SGCZ: variants seen among roughly 807,000 people sequenced by gnomAD.
The protein encoded by SGCZ is zeta-sarcoglycan.
SGCZ carries 40 observed loss-of-function variants against 41.3 expected under a neutral mutation model. The observed-to-expected ratio is 0.97, with a 90% confidence interval of 0.75 to 1.26. The LOEUF is 1.26. SGCZ is among the 50% of genes most tolerant of loss of function. The pLI is 0.00. For missense variants in SGCZ, 552 were observed against 369.8 expected, an observed-to-expected ratio of 1.49 and a Z score of -4.04; for synonymous variants, 206 against 137.5, an observed-to-expected ratio of 1.50 and a Z score of -3.49.
intron 1 of SGCZ, among the ~76,000 whole-genome samples, chr8:14,663,401 A>G (rs981520165): frequency 9.2e-5 from 14 of 152,202 alleles, no homozygotes; most frequent in African/African-American, 3.1e-4. Context: ...TATTTCACCT[A>G]TAGATGTATG....
At chr8:14,610,661 G>C (rs1338896669) in intron 1 of SGCZ, among the ~76,000 whole-genome samples, 1 of 152,154 alleles carries the variant, frequency 6.6e-6, no homozygotes, top group African/African-American at 2.4e-5. Context: ...AGGGTGCATA[G>C]AAGTGATGAT....
At chr8:14,496,961 C>G (rs1030145276) in intron 2 of SGCZ, among the ~76,000 whole-genome samples, 2 of 152,012 alleles carry the variant, frequency 1.3e-5, no homozygotes, top group African/African-American at 4.8e-5. Flanking sequence ...TTGTTTATTT[C>G]CCTGTAGCTG....
rs1472107278 is a variant in SGCZ, at chr8:14,484,537, G to C, written c.234+70195C>G. On this transcript the variant is annotated intron_variant, in intron 2 of 7. Coordinates refer to ENST00000382080, the MANE Select transcript of SGCZ (RefSeq NM_139167.4). ...GTTTCCCGGTTTTTTTACACACATA[G>C]AACAAATGTTACAGTACAATGGGAG... Among the ~76,000 whole-genome samples the C allele has an allele frequency of 2.0e-5, 3 of 152,100 alleles. No individual in the cohort carries two copies. The South Asian group carries it at 6.2e-4, about 32-fold the overall frequency.
intron 1 of SGCZ, among the ~76,000 whole-genome samples, chr8:14,663,548 A>G (rs1463590864): frequency 6.6e-6 from 1 of 152,182 alleles, no homozygotes; most frequent in Non-Finnish European, 1.5e-5. Context: ...AATGAAAATA[A>G]TAAGGGTAAT....
intron 1 of SGCZ, among the ~76,000 whole-genome samples, chr8:14,605,734 A>G (rs2117324891): frequency 6.6e-6 from 1 of 152,320 alleles, no homozygotes; most frequent in Non-Finnish European, 1.5e-5. Flanking sequence ...AGATATAGTT[A>G]CTGTTTCATT....
At chr8:15,173,702 A>T (rs1799916082) in intron 1 of SGCZ, among the ~76,000 whole-genome samples, 1 of 152,194 alleles carries the variant, frequency 6.6e-6, no homozygotes, top group African/African-American at 2.4e-5. Context: ...TGGAATGGTC[A>T]TCAGGCAGTT....
At chr8:14,871,496 C>G (rs956288774) in intron 1 of SGCZ, among the ~76,000 whole-genome samples, 10 of 152,004 alleles carry the variant, frequency 6.6e-5, no homozygotes, top group African/African-American at 2.2e-4. Flanking sequence ...AAATGACCAT[C>G]AATGATAGAC....
At chr8:14,399,507 C>T (rs1273770508) in intron 2 of SGCZ, among the ~76,000 whole-genome samples, 1 of 151,906 alleles carries the variant, frequency 6.6e-6, no homozygotes. Context: ...TCTCGCTTCA[C>T]AGATGATTTG....
At chr8:14,842,760 C>G (rs1051125763) in intron 1 of SGCZ, among the ~76,000 whole-genome samples, 1 of 152,086 alleles carries the variant, frequency 6.6e-6, no homozygotes, top group Non-Finnish European at 1.5e-5. Flanking sequence ...GGGATTTGTA[C>G]ACTGGATTTT....
intron 1 of SGCZ, among the ~76,000 whole-genome samples, chr8:15,226,061 T>A (rs1214334118): frequency 2.0e-5 from 3 of 152,148 alleles, no homozygotes; most frequent in African/African-American, 7.2e-5. Context: ...GATAAAATAA[T>A]TACAAAGACG....
intron 1 of SGCZ, among the ~76,000 whole-genome samples, chr8:15,079,421 G>A (rs984259197): frequency 1.3e-5 from 2 of 151,752 alleles, no homozygotes; most frequent in Non-Finnish European, 2.9e-5. Flanking sequence ...ATTTTCTTTT[G>A]GGTCCTGACT....
intron 1 of SGCZ, among the ~76,000 whole-genome samples, chr8:14,893,014 G>C (rs531376695): frequency 6.6e-6 from 1 of 152,140 alleles, no homozygotes; most frequent in African/African-American, 2.4e-5. Context: ...AATGACAGAC[G>C]TCTACATCCT....
In SGCZ at chr8:14,231,010, A is replaced by G. The variant is rs113792849; in HGVS notation, c.424+6582T>C. On this transcript the variant is annotated intron_variant, in intron 4 of 7. Coordinates refer to ENST00000382080, the MANE Select transcript of SGCZ (RefSeq NM_139167.4). Reference sequence around the variant, plus strand: ...AGAAATTACTTTAAAAAATATATCCAGACTCAAATTATGTTGGAGTATATT... The same window carrying G: ...AGAAATTACTTTAAAAAATATATCCGGACTCAAATTATGTTGGAGTATATT... Among the ~76,000 whole-genome samples, 1,102 of 152,242 alleles carry G rather than the reference A, an allele frequency of 7.2e-3. 14 individuals carry two copies. Among genetic ancestry groups the G allele is most frequent in the African/African-American group, 0.025 (1,053 of 41,552 alleles).
chr8:14,659,285 T>C (rs1260439287), intron 1 of SGCZ, among the ~76,000 whole-genome samples: 2 of 152,150 alleles, frequency 1.3e-5, no homozygotes, highest in African/African-American at 4.8e-5. Flanking sequence ...GTGCTGAATA[T>C]GGTGATTAAC....
rs979795415 is a variant in SGCZ, at chr8:14,683,570, A to G, written c.40-128644T>C. ...AAGTAAATTATATTAATCATTAGAAAACAGTTTAAATTAGATCTGATCAAG... is the reference window on the plus strand; with the variant it reads ...AAGTAAATTATATTAATCATTAGAAGACAGTTTAAATTAGATCTGATCAAG... On this transcript the variant is annotated intron_variant, in intron 1 of 7. Transcript: ENST00000382080. Among the ~76,000 whole-genome samples the G allele has an allele frequency of 7.2e-5, 11 of 152,180 alleles. 1 individual carries two copies. The highest frequency in any genetic ancestry group is 2.4e-4 in the African/African-American group (10 of 41,450).
intron 1 of SGCZ, among the ~76,000 whole-genome samples, chr8:14,789,973 C>T (rs1199159135): frequency 6.6e-6 from 1 of 152,038 alleles, no homozygotes; most frequent in Non-Finnish European, 1.5e-5. Context: ...CATAAATGTA[C>T]ATTGATTAAA....
intron 2 of SGCZ, among the ~76,000 whole-genome samples, chr8:14,377,395 A>G (rs1246001977): frequency 2.6e-5 from 4 of 152,096 alleles, no homozygotes; most frequent in Non-Finnish European, 5.9e-5. Context: ...CACATAATTT[A>G]TAATCAACTG....
At chr8:14,567,974 G>A (rs1804430196) in intron 1 of SGCZ, among the ~76,000 whole-genome samples, 1 of 152,140 alleles carries the variant, frequency 6.6e-6, no homozygotes, top group Non-Finnish European at 1.5e-5. Context: ...CACCGCGAGG[G>A]TCCGCGGCTC....
chr8:14,562,205 G>C (rs1274371315), intron 1 of SGCZ, among the ~76,000 whole-genome samples: 1 of 152,060 alleles, frequency 6.6e-6, no homozygotes, highest in Non-Finnish European at 1.5e-5. Context: ...TTCCAAACTA[G>C]CTGGAATCAT....
Sources: gnomAD v4.1 joint callset for allele counts (sites outside exome capture counted in the v4.1 genomes callset) on GRCh38, gnomAD v4.1.1 for gene constraint, MANE v1.5 for transcripts, NCBI Gene and HGNC (gene_info 2026-07-23, HGNC 2026-07-21) for gene names.